The following LINC01488 variants were observed in gnomAD, a reference collection of about 807,000 sequenced individuals.
The protein encoded by LINC01488 is long independently transcribed non-coding RNA 1488.
intron 1 of LINC01488, among the ~76,000 whole-genome samples, chr11:69,486,721 G>A (rs1026555265): frequency 1.1e-4 from 16 of 152,188 alleles, no homozygotes; most frequent in African/African-American, 3.9e-4. Flanking sequence ...CTTCCAGGAA[G>A]GCCCAGCCCA....
chr11:69,486,148 GGAGTTTCCAT>G (rs1248992121), intron 1 of LINC01488: 2 of 152,230 alleles, frequency 1.3e-5, no homozygotes, highest in Non-Finnish European at 2.9e-5. Context: ...CCTCAGGTAT[GGAGTTTCCAT>G]GATAACTGTG....
At chr11:69,485,003 A>G (rs587230) in intron 1 of LINC01488, among the ~76,000 whole-genome samples, 131,674 of 152,234 alleles carry the variant, frequency 0.86, 57,020 homozygotes, top group East Asian at 0.97. Flanking sequence ...GGGCTGTGCT[A>G]AAATCTCTGA....
At chr11:69,486,461 C>A (rs1267445438) in intron 1 of LINC01488, among the ~76,000 whole-genome samples, 1 of 152,200 alleles carries the variant, frequency 6.6e-6, no homozygotes, top group African/African-American at 2.4e-5. Flanking sequence ...GCTTGTGATT[C>A]CAAAACCAGG....
intron 1 of LINC01488, among the ~76,000 whole-genome samples, chr11:69,482,442 G>A (rs1166922342): frequency 1.3e-5 from 2 of 151,796 alleles, no homozygotes; most frequent in South Asian, 4.2e-4. Context: ...ATGGATGGAC[G>A]AGTGGATGGA....
At chr11:69,485,107 C>T (rs995417640) in intron 1 of LINC01488, among the ~76,000 whole-genome samples, 3 of 152,154 alleles carry the variant, frequency 2.0e-5, no homozygotes, top group Non-Finnish European at 4.4e-5. Flanking sequence ...GGGTGGAGTT[C>T]ATGGCCAGAT....
At chr11:69,489,255 C>A (rs1367839829) in intron 1 of LINC01488, among the ~76,000 whole-genome samples, 1 of 152,092 alleles carries the variant, frequency 6.6e-6, no homozygotes, top group Non-Finnish European at 1.5e-5. Context: ...TGACCCCGGG[C>A]ACCTGCTCCC....
chr11:69,490,107 G>C (rs1857195010), intron 1 of LINC01488, among the ~76,000 whole-genome samples: 1 of 152,202 alleles, frequency 6.6e-6, no homozygotes, highest in African/African-American at 2.4e-5. Context: ...CCAAGGAGAA[G>C]TGCCCCAGCC....
intron 1 of LINC01488, among the ~76,000 whole-genome samples, chr11:69,487,673 A>G (rs1315754221): frequency 6.6e-6 from 1 of 152,122 alleles, no homozygotes; most frequent in Non-Finnish European, 1.5e-5. Flanking sequence ...GTGGCACAGC[A>G]GGGTGCTCCC....
At chr11:69,483,058 T>C (rs1857064008) in intron 1 of LINC01488, among the ~76,000 whole-genome samples, 1 of 152,218 alleles carries the variant, frequency 6.6e-6, no homozygotes, top group African/African-American at 2.4e-5. Flanking sequence ...GGGGATGTGA[T>C]TCAGCCCATA....
exon 3 of LINC01488, chr11:69,491,337 G>A (rs752846607): frequency 6.6e-6 from 1 of 152,322 alleles, no homozygotes; most frequent in East Asian, 1.9e-4. Context: ...GTGCAGCCAC[G>A]ACCATCCCGT....
At chr11:69,489,529 G>A (rs1397322262) in intron 1 of LINC01488, among the ~76,000 whole-genome samples, 1 of 152,214 alleles carries the variant, frequency 6.6e-6, no homozygotes, top group Non-Finnish European at 1.5e-5. Flanking sequence ...CCTCCCATGT[G>A]GTATTTTTAG....
At chr11:69,486,354 C>T (rs1048735745) in intron 1 of LINC01488, among the ~76,000 whole-genome samples, 16 of 152,174 alleles carry the variant, frequency 1.1e-4, no homozygotes, top group Non-Finnish European at 1.9e-4. Flanking sequence ...ATCTGAGAAC[C>T]GGGCCTCGAA....
intron 1 of LINC01488, among the ~76,000 whole-genome samples, chr11:69,484,321 G>T (rs1007960187): frequency 1.3e-5 from 2 of 152,168 alleles, no homozygotes; most frequent in African/African-American, 2.4e-5. Context: ...GACAGTCCCG[G>T]CATGAGTACA....
chr11:69,486,888 A>G (rs1364276020), intron 1 of LINC01488, among the ~76,000 whole-genome samples: 1 of 152,168 alleles, frequency 6.6e-6, no homozygotes, highest in Non-Finnish European at 1.5e-5. Flanking sequence ...CCAGGCAGAC[A>G]GGGAAATGTG....
At chr11:69,490,912 C>T (rs1039705731) in intron 2 of LINC01488, 1 of 152,176 alleles carries the variant, frequency 6.6e-6, no homozygotes, top group African/African-American at 2.4e-5. Context: ...ACCGCCCCCT[C>T]CTCACTTACC....
At chr11:69,486,596 G>A (rs948015850) in intron 1 of LINC01488, among the ~76,000 whole-genome samples, 4 of 152,128 alleles carry the variant, frequency 2.6e-5, no homozygotes, top group South Asian at 2.1e-4. Flanking sequence ...CCCTCCCCTC[G>A]CTGTCCTGGG....
Position 69,483,817 on chromosome 11 carries a change from C to T in LINC01488, n.122+2034C>T, listed in dbSNP as rs192592378. Among the ~76,000 whole-genome samples the T allele has an allele frequency of 2.3e-3, 345 of 151,774 alleles. 1 individual carries two copies. Among genetic ancestry groups the T allele is most frequent in the African/African-American group, 6.9e-3 (287 of 41,512 alleles). On this transcript the variant is annotated intron_variant and non_coding_transcript_variant, in intron 1 of 3. Coordinates refer to ENST00000644563, the Ensembl canonical transcript of LINC01488. ...AGGAAGCTGACAATAAACCAAGGCC[C>T]GGGCCGGCCCGGCTGGCGGGCAGCA... is the stretch of plus-strand genomic sequence containing the variant.
rs570556114 is a variant in LINC01488, at chr11:69,488,839, G to A, written n.123-1656G>A. Among the ~76,000 whole-genome samples, 15 of 152,248 alleles carry A rather than the reference G, an allele frequency of 9.9e-5. No homozygotes were observed. In the South Asian group the frequency reaches 2.3e-3, roughly 23 times the overall value. On this transcript the variant is annotated intron_variant and non_coding_transcript_variant, in intron 1 of 3. Coordinates refer to ENST00000644563, the Ensembl canonical transcript of LINC01488. ...TGAGTGCCGGGGGCACCACCAAGAC[G>A]CCCAGGCTTGGGAGGGTGAGGCCAG... is the stretch of plus-strand genomic sequence containing the variant.
At chr11:69,484,597 GTTT>G (rs1857085226) in intron 1 of LINC01488, among the ~76,000 whole-genome samples, 1 of 152,246 alleles carries the variant, frequency 6.6e-6, no homozygotes, top group Admixed American at 6.5e-5. Flanking sequence ...AAACGGGAAT[GTTT>G]CAGGCACTAG....
Sources: allele counts gnomAD v4.1 joint callset (sites outside exome capture counted in the v4.1 genomes callset), GRCh38; gene constraint gnomAD v4.1.1; transcripts MANE v1.5; gene names NCBI Gene and HGNC (gene_info 2026-07-23, HGNC 2026-07-21).